PDGFC: variants seen among roughly 807,000 people sequenced by gnomAD.
The protein encoded by PDGFC is platelet-derived growth factor C.
A neutral mutation model predicts 35.5 loss-of-function variants in PDGFC; 12 were observed. The ratio of observed to expected loss-of-function variants is 0.34; its 90% CI spans 0.22 to 0.55. The LOEUF is 0.55. PDGFC is among the 20% of genes least tolerant of loss of function. The pLI, the probability that PDGFC is intolerant of heterozygous loss-of-function variation, is 0.91. For missense variants in PDGFC, 322 were observed against 412.4 expected (o/e 0.78, Z 1.90); for synonymous variants, 159 against 148.8 (o/e 1.07, Z -0.50).
At chr4:156,874,955 C>A (rs1456736211) in intron 1 of PDGFC, among the ~76,000 whole-genome samples, 11 of 151,970 alleles carry the variant, frequency 7.2e-5, no homozygotes, top group African/African-American at 2.4e-4. Context: ...TGAGCTCAAG[C>A]AATGTGCCCA....
At chr4:156,964,514 T>C (rs1420083670) in intron 1 of PDGFC, among the ~76,000 whole-genome samples, 1 of 151,084 alleles carries the variant, frequency 6.6e-6, no homozygotes, top group Non-Finnish European at 1.5e-5. Context: ...ATTTGACTAA[T>C]GTGATTATTA....
intron 3 of PDGFC, among the ~76,000 whole-genome samples, chr4:156,801,883 C>T (rs964714643): frequency 2.0e-5 from 3 of 152,148 alleles, no homozygotes; most frequent in African/African-American, 7.2e-5. Flanking sequence ...CAAGACACTG[C>T]TTTTCCTTTT....
intron 2 of PDGFC, among the ~76,000 whole-genome samples, chr4:156,839,533 G>A (rs529113318): frequency 1.1e-4 from 17 of 152,234 alleles, no homozygotes; most frequent in African/African-American, 2.2e-4. Context: ...TTACAGCCGC[G>A]TGAGAATGGA....
chr4:156,823,541 A>C (rs1732329371), intron 2 of PDGFC, among the ~76,000 whole-genome samples: 3 of 152,220 alleles, frequency 2.0e-5, no homozygotes, highest in Admixed American at 1.3e-4. Context: ...AAAGCTCCTC[A>C]TGCAAAGATC....
At position 156,962,961 on chromosome 4, in the gene PDGFC, C is replaced by A. The variant is rs74850858; in HGVS notation, c.118+7825G>T. On this transcript the variant is annotated intron_variant, in intron 1 of 5. Transcript: ENST00000502773. ...TAAATCCTGCTGCTCCCAGGTCCTT[C>A]CTGGCAGATCATGCTGGTTTATCAG... is the stretch of plus-strand genomic sequence containing the variant. Among the ~76,000 whole-genome samples the A allele has an allele frequency of 7.9e-5, 12 of 152,274 alleles. No homozygotes were observed. The East Asian group carries it at 2.3e-3, about 30-fold the overall frequency.
chr4:156,822,248 AC>A (rs1300491738), intron 2 of PDGFC, among the ~76,000 whole-genome samples: 1 of 151,196 alleles, frequency 6.6e-6, no homozygotes, highest in Non-Finnish European at 1.5e-5. Context: ...AGTCCCAGCT[AC>A]CTGGGAGGCT....
At chr4:156,775,225 T>C (rs1730797138) in intron 3 of PDGFC, among the ~76,000 whole-genome samples, 1 of 152,170 alleles carries the variant, frequency 6.6e-6, no homozygotes, top group Non-Finnish European at 1.5e-5. Flanking sequence ...AAGCTACTAT[T>C]GATTAAATTT....
At chr4:156,797,486 C>T (rs1213126896) in intron 3 of PDGFC, among the ~76,000 whole-genome samples, 1 of 152,140 alleles carries the variant, frequency 6.6e-6, no homozygotes, top group African/African-American at 2.4e-5. Context: ...CACAGCTCTG[C>T]ATTTGAACAT....
chr4:156,834,725 CT>C (rs1244272291), intron 2 of PDGFC, among the ~76,000 whole-genome samples: 1 of 152,082 alleles, frequency 6.6e-6, no homozygotes, highest in Non-Finnish European at 1.5e-5. Context: ...TTTCAAAGTT[CT>C]TGAAACAGCT....
intron 3 of PDGFC, among the ~76,000 whole-genome samples, chr4:156,785,865 C>A (rs1157440142): frequency 1.3e-5 from 2 of 152,110 alleles, no homozygotes; most frequent in Non-Finnish European, 2.9e-5. Flanking sequence ...CAATATCTTC[C>A]CACAAAGTTC....
At chr4:156,808,706 A>G (rs1378107403) in intron 3 of PDGFC, among the ~76,000 whole-genome samples, 1 of 152,000 alleles carries the variant, frequency 6.6e-6, no homozygotes, top group Non-Finnish European at 1.5e-5. Context: ...ATGATAATTC[A>G]AAACATTCTG....
intron 3 of PDGFC, among the ~76,000 whole-genome samples, chr4:156,777,040 A>AT (rs376755229): frequency 9.4e-4 from 140 of 149,620 alleles, no homozygotes; most frequent in Middle Eastern, 6.9e-3. Context: ...ACTGAACTCT[A>AT]TTTTTTTTTT....
At position 156,762,979 on chromosome 4, in the gene PDGFC, G is replaced by C; in HGVS notation, c.*111C>G. The C allele has an allele frequency of 1.5e-6, 1 of 655,838 alleles. No homozygotes were observed. Among genetic ancestry groups the C allele is most frequent in the Non-Finnish European group, 2.9e-6 (1 of 350,250 alleles). The allele number at this position is 655,838 out of a possible 1,614,324, so 40.6% of individuals were successfully genotyped here. On this transcript the variant is annotated 3_prime_UTR_variant, in exon 6 of 6. Transcript: ENST00000502773. ...GCACTGTAAATCCTGAAGATGAAAG[G>C]TCCTTGAAGCAAACAACTGAGATTA...
intron 2 of PDGFC, among the ~76,000 whole-genome samples, chr4:156,813,160 T>G (rs10033375): frequency 0.14 from 21,821 of 151,998 alleles, 2,330 homozygotes; most frequent in African/African-American, 0.29. Context: ...AATCATCATT[T>G]TTATCGAATG....
intron 1 of PDGFC, among the ~76,000 whole-genome samples, chr4:156,889,478 A>C (rs1730452264): frequency 6.6e-6 from 1 of 152,358 alleles, no homozygotes; most frequent in Admixed American, 6.5e-5. Context: ...GCCAAGAATT[A>C]AAACTGGGAT....
chr4:156,931,224 G>A (rs1731542527), intron 1 of PDGFC, among the ~76,000 whole-genome samples: 1 of 152,274 alleles, frequency 6.6e-6, no homozygotes, highest in East Asian at 1.9e-4. Context: ...AAAATGGCAG[G>A]TATTTCCTGT....
chr4:156,826,174 A>ATATTTTTTTT (rs1553967848), intron 2 of PDGFC, among the ~76,000 whole-genome samples: 4 of 43,790 alleles, frequency 9.1e-5, no homozygotes, highest in African/African-American at 1.6e-4. Flanking sequence ...TTTGAGTTGG[A>ATATTTTTTTT]TTTTTTTTTT....
At chr4:156,960,382 G>A (rs746589907) in intron 1 of PDGFC, among the ~76,000 whole-genome samples, 1 of 150,194 alleles carries the variant, frequency 6.7e-6, no homozygotes, top group African/African-American at 2.4e-5. Context: ...AAAATGTATT[G>A]CCTCTACAAT....
At position 156,825,590 on chromosome 4, in the gene PDGFC, T is replaced by TAAGAAGAAGAAGAAG. The variant is rs1238405953; in HGVS notation, c.315-14574_315-14573insCTTCTTCTTCTTCTT. The stretch of plus-strand genomic sequence containing the variant: ...ATAATAATAATAATAATAATAATAA[T>TAAGAAGAAGAAGAAG]AATAAGAAGAAGAAGAAGAAGAAGA... On this transcript the variant is annotated intron_variant, in intron 2 of 5. Transcript: ENST00000502773. Among the ~76,000 whole-genome samples, 138 of 78,308 alleles carry TAAGAAGAAGAAGAAG rather than the reference T, an allele frequency of 1.8e-3. 2 individuals are homozygous for TAAGAAGAAGAAGAAG. Among genetic ancestry groups the TAAGAAGAAGAAGAAG allele is most frequent in the African/African-American group, 3.8e-3 (56 of 14,894 alleles). 51.4% of individuals were successfully genotyped at this position (78,308 alleles called of 152,430 possible).
Sources: gnomAD v4.1 joint callset for allele counts (sites outside exome capture counted in the v4.1 genomes callset) on GRCh38, gnomAD v4.1.1 for gene constraint, MANE v1.5 for transcripts, NCBI Gene and HGNC (gene_info 2026-07-23, HGNC 2026-07-21) for gene names.